The following WASF1 variants were observed in gnomAD, a reference collection of about 807,000 sequenced individuals.
WASF1 encodes actin-binding protein WASF1.
Under a neutral mutation model 50.5 loss-of-function variants are expected in WASF1, and 7 were observed. That is an observed-to-expected ratio of 0.14 (90% CI 0.08 to 0.26). The LOEUF (loss-of-function observed/expected upper bound fraction) is 0.26. Ranked by LOEUF, WASF1 falls within the 10% of genes least tolerant of loss-of-function variation. The probability of loss-of-function intolerance (pLI) is 1.00; values close to 1 mark genes in which losing one functional copy is unlikely to be tolerated. For missense variants in WASF1, 470 were observed against 694.7 expected (o/e 0.68, Z 3.64); for synonymous variants, 205 against 244.0 (o/e 0.84, Z 1.49).
chr6:110,177,349 A>G (rs180922879), intron 2 of WASF1, among the ~76,000 whole-genome samples: 301 of 152,170 alleles, frequency 2.0e-3, no homozygotes, highest in African/African-American at 6.4e-3. Flanking sequence ...AATAACCTTT[A>G]TGTCTGCAAT....
chr6:110,163,172 T>A (rs865913412), intron 2 of WASF1, among the ~76,000 whole-genome samples: 1 of 151,562 alleles, frequency 6.6e-6, no homozygotes, highest in African/African-American at 2.4e-5. Context: ...CTCATAAAAT[T>A]TGTACAAAAT....
At chr6:110,124,239 T>TCTCTC (rs1774292135) in intron 4 of WASF1, among the ~76,000 whole-genome samples, 2 of 27,562 alleles carry the variant, frequency 7.3e-5, no homozygotes, top group Non-Finnish European at 6.3e-5. Context: ...CTCTCTCCTC[T>TCTCTC]CTCTCTCTCT....
intron 4 of WASF1, among the ~76,000 whole-genome samples, chr6:110,121,443 T>A (rs982231390): frequency 3.3e-5 from 5 of 152,210 alleles, no homozygotes; most frequent in Admixed American, 6.5e-5. Context: ...ATGCTCATCA[T>A]CCCTGGTCAT....
At chr6:110,146,187 C>T (rs1172324065) in intron 3 of WASF1, among the ~76,000 whole-genome samples, 1 of 152,082 alleles carries the variant, frequency 6.6e-6, no homozygotes, top group African/African-American at 2.4e-5. Context: ...CTTATTCAAA[C>T]TAAAGGATTA....
chr6:110,100,473 A>G lies in WASF1; in HGVS notation c.*49T>C, dbSNP rs1773031437. On this transcript the variant is annotated 3_prime_UTR_variant, in exon 11 of 11. Coordinates refer to ENST00000392589, the MANE Select transcript of WASF1 (RefSeq NM_003931.3). ...CAAACATTTTCAAGGAACAAGCACC[A>G]CAAAGGACATTTGCATTCAGTTTTG... 11 of 1,545,922 alleles carry G rather than the reference A, an allele frequency of 7.1e-6. No individual in the cohort carries two copies. The highest frequency in any genetic ancestry group is 9.7e-6 in the Non-Finnish European group (11 of 1,138,998).
At chr6:110,119,718 C>T (rs1562167921) in intron 4 of WASF1, among the ~76,000 whole-genome samples, 2 of 152,144 alleles carry the variant, frequency 1.3e-5, no homozygotes, top group African/African-American at 4.8e-5. Flanking sequence ...GATACCAAAG[C>T]CTGGTAGAGA....
chr6:110,161,043 G>A (rs531601399), intron 2 of WASF1, among the ~76,000 whole-genome samples: 36 of 151,318 alleles, frequency 2.4e-4, no homozygotes, highest in African/African-American at 8.0e-4. Context: ...TACTAAAGCC[G>A]TATCTGACTG....
intron 5 of WASF1, among the ~76,000 whole-genome samples, chr6:110,110,839 C>A (rs1252390222): frequency 6.6e-6 from 1 of 151,528 alleles, no homozygotes; most frequent in African/African-American, 2.4e-5. Flanking sequence ...TTAATTCCCA[C>A]TGAATTAAAA....
chr6:110,177,103 T>C (rs962209435), intron 2 of WASF1: 2 of 152,032 alleles, frequency 1.3e-5, no homozygotes. Context: ...TCTGAATATA[T>C]GAATATTTAC....
chr6:110,170,720 T>C (rs1266952549), intron 2 of WASF1, among the ~76,000 whole-genome samples: 1 of 150,908 alleles, frequency 6.6e-6, no homozygotes, highest in Non-Finnish European at 1.5e-5. Context: ...CCACTTTAAA[T>C]GTAGAAATAG....
At chr6:110,105,336 C>G in intron 8 of WASF1, 71 bp downstream of exon 8, 1 of 1,444,966 alleles carries the variant, frequency 6.9e-7, no homozygotes, top group Non-Finnish European at 9.2e-7. Flanking sequence ...GGACTCAAGA[C>G]TTAGAAGTAC....
intron 2 of WASF1, among the ~76,000 whole-genome samples, chr6:110,162,579 A>G (rs983683754): frequency 1.4e-4 from 21 of 151,542 alleles, no homozygotes; most frequent in African/African-American, 4.8e-4. Context: ...AGTGAGATTC[A>G]TCCTAGATAT....
At chr6:110,135,746 TAC>T (rs1774923612) in intron 3 of WASF1, among the ~76,000 whole-genome samples, 2 of 144,912 alleles carry the variant, frequency 1.4e-5, no homozygotes, top group Admixed American at 6.8e-5. Flanking sequence ...TTTTTTTTTT[TAC>T]CAATTACTGG....
intron 4 of WASF1, among the ~76,000 whole-genome samples, chr6:110,124,274 C>CTATA (rs35703116): frequency 0.012 from 242 of 20,498 alleles, 13 homozygotes; most frequent in East Asian, 0.016. Context: ...CTCTCTCTCT[C>CTATA]TATATATATA....
chr6:110,150,517 A>G (rs951110943), intron 3 of WASF1, among the ~76,000 whole-genome samples: 2 of 152,242 alleles, frequency 1.3e-5, no homozygotes, highest in African/African-American at 2.4e-5. Flanking sequence ...CTCAATAGCC[A>G]TACTGGACAG....
intron 2 of WASF1, among the ~76,000 whole-genome samples, chr6:110,177,601 A>C (rs1377384129): frequency 6.6e-6 from 1 of 152,110 alleles, no homozygotes; most frequent in African/African-American, 2.4e-5. Flanking sequence ...TATTATCTCC[A>C]TTTACATATA....
intron 4 of WASF1, among the ~76,000 whole-genome samples, chr6:110,124,270 CTCTCTATATATATATATATATA>C (rs1774312524): frequency 1.9e-5 from 1 of 52,468 alleles, no homozygotes; most frequent in African/African-American, 1.1e-4. Context: ...CTCTCTCTCT[CTCTCTATATATATATATATATA>C]TATATATATA....
At position 110,145,436 on chromosome 6, in the gene WASF1, T is replaced by C. The variant is rs998489231; in HGVS notation, c.-29+15199A>G. ...ACAATTTGACTTCCTCTTTTCCTAATTGAATGCCCTTTATTCCCTTCTCCT... is the reference window on the plus strand; with the variant it reads ...ACAATTTGACTTCCTCTTTTCCTAACTGAATGCCCTTTATTCCCTTCTCCT... On this transcript the variant is annotated intron_variant, in intron 3 of 10. Transcript: ENST00000392589. 2.0e-4 allele frequency among the ~76,000 whole-genome samples: 30 copies of C among 152,342 alleles called. 1 individual carries two copies. The South Asian group carries it at 5.2e-3, about 26-fold the overall frequency.
intron 3 of WASF1, among the ~76,000 whole-genome samples, chr6:110,150,873 T>C (rs1050455538): frequency 6.6e-6 from 1 of 151,860 alleles, no homozygotes; most frequent in Admixed American, 6.6e-5. Context: ...CCGTTTCTAC[T>C]AAAAATACAA....
Sources: allele counts gnomAD v4.1 joint callset (sites outside exome capture counted in the v4.1 genomes callset), GRCh38; gene constraint gnomAD v4.1.1; transcripts MANE v1.5; gene names NCBI Gene and HGNC (gene_info 2026-07-23, HGNC 2026-07-21).